The following PDGFRA variants were observed in gnomAD, a reference collection of about 807,000 sequenced individuals.
PDGFRA encodes the protein platelet-derived growth factor receptor alpha.
In PDGFRA, 25 loss-of-function variants were observed where a neutral mutation model predicts 121.5. The observed-to-expected ratio is 0.21, with a 90% CI of 0.15 to 0.29. The LOEUF is 0.29. PDGFRA is among the 10% of genes least tolerant of loss of function. PDGFRA has a pLI of 1.00. For missense variants in PDGFRA, 1,008 were observed against 1,345.1 expected (o/e 0.75, Z 3.92); for synonymous variants, 463 against 494.8 (o/e 0.94, Z 0.85).
chr4:54,275,440 T>A (rs1461740965), intron 12 of PDGFRA, among the ~76,000 whole-genome samples: 1 of 152,226 alleles, frequency 6.6e-6, no homozygotes, highest in Non-Finnish European at 1.5e-5. Context: ...GCAAAATATG[T>A]AAAAATAAGC....
rs1314486594 is a variant in PDGFRA at position 54,295,858 on chromosome 4, C to T, written c.*586C>T. On this transcript the variant is annotated 3_prime_UTR_variant, in exon 23 of 23. Coordinates refer to ENST00000257290, the MANE Select transcript of PDGFRA (RefSeq NM_006206.6). ...TAAAGAGATAAAGAATAATAATTAA[C>T]CAACCTTGTTTAATAGATTTGGGTC... 1 of 234,558 alleles carries T rather than the reference C, an allele frequency of 4.3e-6. No homozygotes were observed. The highest frequency in any genetic ancestry group is 8.4e-6 in the Non-Finnish European group (1 of 118,938). The allele number at this position is 234,558 out of a possible 1,614,324, so 14.5% of individuals were successfully genotyped here.
chr4:54,275,641 T>C (rs1017136111), intron 12 of PDGFRA, among the ~76,000 whole-genome samples: 12 of 152,256 alleles, frequency 7.9e-5, no homozygotes, highest in Non-Finnish European at 1.2e-4. Context: ...TGTTAAAGAA[T>C]GCCAAATGCA....
At chr4:54,249,333 A>G (rs372702290) in intron 1 of PDGFRA, among the ~76,000 whole-genome samples, 5 of 152,212 alleles carry the variant, frequency 3.3e-5, no homozygotes, top group African/African-American at 1.2e-4. Flanking sequence ...ACACATGCAC[A>G]CGTATGTTTA....
At chr4:54,270,807 A>G (rs1723307459) in intron 8 of PDGFRA, 59 bp downstream of exon 8, 1 of 978,840 alleles carries the variant, frequency 1.0e-6, no homozygotes, top group Non-Finnish European at 1.7e-6. Flanking sequence ...TTCCAAGGAA[A>G]GCCTGGCACT....
chr4:54,229,971 G>T (rs1261405742), intron 1 of PDGFRA: 1 of 151,900 alleles, frequency 6.6e-6, no homozygotes, highest in East Asian at 2.0e-4. Context: ...GGGGAGCGTG[G>T]AGGGGGGCGC....
intron 1 of PDGFRA, among the ~76,000 whole-genome samples, chr4:54,241,278 G>T (rs1222714666): frequency 6.6e-6 from 1 of 152,100 alleles, no homozygotes; most frequent in Non-Finnish European, 1.5e-5. Flanking sequence ...TGTGAGGAAA[G>T]TTATGAATAT....
Position 54,267,548 on chromosome 4 carries a change from A to T in PDGFRA, c.932-4A>T. ...TTATTTAATGGAAACTCTTCCCTGT[A>T]CAGAGAAAGGTTTCATTGAAATCAA... On this transcript the variant is annotated splice_polypyrimidine_tract_variant and splice_region_variant and intron_variant, in intron 6 of 22. Coordinates refer to ENST00000257290, the MANE Select transcript of PDGFRA (RefSeq NM_006206.6). 1 of 1,614,100 alleles carries T rather than the reference A, an allele frequency of 6.2e-7. No individual in the cohort carries two copies. Among genetic ancestry groups the T allele is most frequent in the Non-Finnish European group, 8.5e-7 (1 of 1,180,002 alleles).
At chr4:54,272,298 C>A in intron 8 of PDGFRA, 96 bp from the exon 9 acceptor site, 1 of 1,348,962 alleles carries the variant, frequency 7.4e-7, no homozygotes, top group Non-Finnish European at 1.1e-6. Context: ...GTTTTGAATG[C>A]CATGTAGATG....
intron 1 of PDGFRA, among the ~76,000 whole-genome samples, chr4:54,257,809 T>G (rs1722455785): frequency 6.6e-6 from 1 of 152,178 alleles, no homozygotes; most frequent in South Asian, 2.1e-4. Context: ...TTCAGTGGTT[T>G]TACCCCAGGG....
At chr4:54,290,703 T>C in intron 22 of PDGFRA, 149 bp downstream of exon 22, 1 of 871,686 alleles carries the variant, frequency 1.1e-6, no homozygotes, top group Non-Finnish European at 1.9e-6. Context: ...GTCCACGTGG[T>C]TTTGAAAATG....
rs1577666190 is a variant in PDGFRA at position 54,233,897 on chromosome 4, C to T, written c.-13+4482C>T. 3.9e-5 allele frequency among the ~76,000 whole-genome samples: 6 copies of T among 152,294 alleles called. No individual in the cohort carries two copies. In the South Asian group the frequency reaches 1.2e-3, roughly 32 times the overall value. ...GGTAACAGTCGTTTCCAATCAGCTG[C>T]GCGGCCGTCGCGGCCCTCGCCAGGC... On this transcript the variant is annotated intron_variant, in intron 1 of 22. Transcript: ENST00000257290.
rs587778603 is a variant in PDGFRA, at chr4:54,272,513, A to T, written c.1357A>T (p.Ile453Phe). 6.2e-7 allele frequency: 1 copy of T among 1,613,972 alleles called. No individual in the cohort carries two copies. The highest frequency in any genetic ancestry group is 1.3e-5 in the African/African-American group (1 of 75,046). ...TATTGAGTGGATGATATGCAAAGAT[A>T]TTAAGAAGTATGGAAAACAGATGTG... is the stretch of plus-strand genomic sequence containing the variant. ...PDIEWMICKD[I>F]KKCNNETSWT... The change falls in exon 9 of 23, where the codon ATT becomes TTT. Residue 453 changes from isoleucine (I) to phenylalanine (F), a missense_variant. Coordinates refer to ENST00000257290, the MANE Select transcript of PDGFRA (RefSeq NM_006206.6).
At chr4:54,276,882 G>C (rs943753913) in intron 12 of PDGFRA, 5 of 181,120 alleles carry the variant, frequency 2.8e-5, no homozygotes, top group Non-Finnish European at 5.9e-5. Context: ...TTGGTAGAGT[G>C]GCTTTCCTAA....
At chr4:54,240,819 G>C (rs1721257403) in intron 1 of PDGFRA, among the ~76,000 whole-genome samples, 1 of 152,186 alleles carries the variant, frequency 6.6e-6, no homozygotes, top group African/African-American at 2.4e-5. Context: ...AGTTTTGTCA[G>C]GGAAATAATT....
chr4:54,272,542 T>C (rs754144947), intron 9 of PDGFRA, 22 bp downstream of exon 9: 1 of 1,610,976 alleles, frequency 6.2e-7, no homozygotes, highest in South Asian at 1.1e-5. Flanking sequence ...AGATGTGTCT[T>C]CTTCTTTCGT....
At chr4:54,252,603 G>A (rs1458981090) in intron 1 of PDGFRA, among the ~76,000 whole-genome samples, 1 of 152,126 alleles carries the variant, frequency 6.6e-6, no homozygotes, top group Non-Finnish European at 1.5e-5. Context: ...AAAAAAAGAA[G>A]ATGTGTAATT....
At chr4:54,262,288 C>T (rs1722793351) in intron 3 of PDGFRA, among the ~76,000 whole-genome samples, 1 of 151,972 alleles carries the variant, frequency 6.6e-6, no homozygotes, top group South Asian at 2.1e-4. Flanking sequence ...TGGTCTCAAA[C>T]TCCTGGGCTC....
chr4:54,284,306 C>T (rs1416132375), intron 16 of PDGFRA, among the ~76,000 whole-genome samples: 1 of 152,212 alleles, frequency 6.6e-6, no homozygotes, highest in African/African-American at 2.4e-5. Flanking sequence ...CTTATCTCTG[C>T]CTGTTACCCA....
chr4:54,273,827 T>G (rs745624015), intron 10 of PDGFRA, 97 bp downstream of exon 10: 261 of 932,600 alleles, frequency 2.8e-4, no homozygotes, highest in Non-Finnish European at 4.1e-4. Context: ...GAAATGAAGG[T>G]CCCAAGGCAG....
Sources: gnomAD v4.1 joint callset for allele counts (sites outside exome capture counted in the v4.1 genomes callset) on GRCh38, gnomAD v4.1.1 for gene constraint, MANE v1.5 for transcripts, NCBI Gene and HGNC (gene_info 2026-07-23, HGNC 2026-07-21) for gene names.